Variants in PM20D2 observed in about 807,000 individuals in gnomAD.
PM20D2 encodes the protein xaa-Arg dipeptidase.
PM20D2 carries 33 observed loss-of-function variants against 42.9 expected under a neutral mutation model. The ratio of observed to expected loss-of-function variants is 0.77; its 90% CI spans 0.58 to 1.03. The LOEUF (loss-of-function observed/expected upper bound fraction) is 1.03, where lower values mean the gene tolerates loss of function less well. Ranked by LOEUF, PM20D2 falls within the 50% of genes least tolerant of loss-of-function variation. PM20D2 has a pLI of 0.00. For missense variants in PM20D2, 548 were observed against 557.0 expected, an observed-to-expected ratio of 0.98 and a Z score of 0.16; for synonymous variants, 250 against 228.2, an observed-to-expected ratio of 1.10 and a Z score of -0.86.
At chr6:89,158,716 T>G (rs1370944639) in intron 5 of PM20D2, among the ~76,000 whole-genome samples, 4 of 152,176 alleles carry the variant, frequency 2.6e-5, no homozygotes, top group Non-Finnish European at 5.9e-5. Flanking sequence ...AGTGTTTAAG[T>G]TTCGTTAGTT....
intron 2 of PM20D2, 47 bp downstream of exon 2, chr6:89,149,460 T>A: frequency 1.3e-6 from 2 of 1,586,266 alleles, no homozygotes; most frequent in Non-Finnish European, 1.7e-6. Flanking sequence ...ACACAGGCTA[T>A]AGAATACTTT....
At chr6:89,161,947 T>C in intron 6 of PM20D2, 57 bp downstream of exon 6, 1 of 1,513,314 alleles carries the variant, frequency 6.6e-7, no homozygotes, top group Non-Finnish European at 9.2e-7. Context: ...TGGTAGTAGC[T>C]GCCTTTCTGT....
At chr6:89,131,942 A>G in the PM20D2 span, among the ~76,000 whole-genome samples, 1 of 152,294 alleles carries the variant, frequency 6.6e-6, no homozygotes, top group South Asian at 2.1e-4. Context: ...TGCTTTCACA[A>G]ACGCTGGTTG....
the PM20D2 span, among the ~76,000 whole-genome samples, chr6:89,123,374 A>C: frequency 6.6e-6 from 1 of 152,142 alleles, no homozygotes; most frequent in East Asian, 1.9e-4. Context: ...AAATTAGCTC[A>C]CTTTTATTTA....
rs1770556529 is a variant in PM20D2 at position 89,146,446 on chromosome 6, C to T, written c.302C>T (p.Ala101Val). Reference protein sequence around the residue: ...WEPPEARAPSATPRPLHLGFL... With the variant: ...WEPPEARAPSVTPRPLHLGFL... ...CCGCCGGAGGCCCGGGCACCGAGCG[C>T]CACGCCACGCCCGCTGCACCTGGGC... The change falls in exon 1 of 7, where the codon GCC becomes GTC. Residue 101 changes from alanine (A) to valine (V), a missense_variant. Transcript: ENST00000275072. The T allele has an allele frequency of 6.6e-6, 10 of 1,522,806 alleles. No individual in the cohort carries two copies. Among genetic ancestry groups the T allele is most frequent in the Middle Eastern group, 2.2e-4 (1 of 4,644 alleles). 94.3% of individuals were successfully genotyped at this position (1,522,806 alleles called of 1,614,324 possible). A position where few individuals can be genotyped will look rare whatever the true frequency, so the allele number is the denominator to read the frequency against.
At chr6:89,108,299 C>T in the PM20D2 span, among the ~76,000 whole-genome samples, 2 of 152,228 alleles carry the variant, frequency 1.3e-5, no homozygotes, top group Non-Finnish European at 2.9e-5. Flanking sequence ...GTTCACCTTA[C>T]AACCACTTAA....
chr6:89,105,084 G>T, the PM20D2 span: 1 of 1,547,578 alleles, frequency 6.5e-7, no homozygotes, highest in Non-Finnish European at 8.7e-7. Flanking sequence ...CCCAGAAAAA[G>T]TAGAAAATGA....
rs1450787425 is a variant in PM20D2, at chr6:89,163,931, T to C, written c.*1668T>C. 1 of 152,202 alleles carries C rather than the reference T, an allele frequency of 6.6e-6. No individual in the cohort carries two copies. Among genetic ancestry groups the C allele is most frequent in the Non-Finnish European group, 1.5e-5 (1 of 68,026 alleles). 9.4% of individuals were successfully genotyped at this position (152,202 alleles called of 1,614,324 possible). ...AATATACAAATTGAAAATATTTTCT[T>C]TTTAGTGGCAATTTTAAAAGCAGGC... On this transcript the variant is annotated 3_prime_UTR_variant, in exon 7 of 7. Coordinates refer to ENST00000275072, the MANE Select transcript of PM20D2 (RefSeq NM_001010853.3).
At chr6:89,098,654 T>G in the PM20D2 span, 6 of 1,613,914 alleles carry the variant, frequency 3.7e-6, no homozygotes, top group Non-Finnish European at 5.1e-6. Context: ...TGTTTGTACT[T>G]TAGTTTCAGA....
At chr6:89,100,103 CA>C in the PM20D2 span, among the ~76,000 whole-genome samples, 1 of 152,028 alleles carries the variant, frequency 6.6e-6, no homozygotes, top group Non-Finnish European at 1.5e-5. Context: ...AATTAGAGAC[CA>C]AAAAGTACCT....
chr6:89,139,034 AAACTT>A, the PM20D2 span, among the ~76,000 whole-genome samples: 2 of 152,164 alleles, frequency 1.3e-5, no homozygotes, highest in African/African-American at 4.8e-5. Context: ...TTGACATAGA[AAACTT>A]AATATTAGAG....
the PM20D2 span, among the ~76,000 whole-genome samples, chr6:89,119,171 G>A: frequency 1.3e-5 from 2 of 152,218 alleles, no homozygotes; most frequent in African/African-American, 4.8e-5. Context: ...GATTGCTCTG[G>A]CACTGCAGGC....
chr6:89,152,361 C>T (rs745924694), intron 2 of PM20D2, among the ~76,000 whole-genome samples: 1 of 151,938 alleles, frequency 6.6e-6, no homozygotes, highest in Non-Finnish European at 1.5e-5. Flanking sequence ...CAAAGCACGT[C>T]AATCACAGAG....
chr6:89,155,361 G>A (rs891562311), intron 4 of PM20D2, among the ~76,000 whole-genome samples: 1 of 125,780 alleles, frequency 8.0e-6, no homozygotes, highest in African/African-American at 3.0e-5. Flanking sequence ...TACAACCTCC[G>A]CCTTCCAGGC....
At chr6:89,145,244 C>A (rs1770484899), upstream of PM20D2, among the ~76,000 whole-genome samples, 1 of 152,156 alleles carries the variant, frequency 6.6e-6, no homozygotes, top group South Asian at 2.1e-4. Flanking sequence ...TCTTGAATTT[C>A]TTCACTGGGT....
chr6:89,122,322 T>G, the PM20D2 span, among the ~76,000 whole-genome samples: 40 of 152,212 alleles, frequency 2.6e-4, no homozygotes, highest in African/African-American at 9.7e-4. Context: ...GAGAAGAGTT[T>G]GGGTTATTAG....
the PM20D2 span, chr6:89,098,520 C>T: frequency 2.6e-6 from 4 of 1,511,946 alleles, no homozygotes; most frequent in African/African-American, 4.2e-5. Context: ...TTTTATTTAA[C>T]ATAATGAGAG....
upstream of PM20D2, among the ~76,000 whole-genome samples, chr6:89,143,638 T>G (rs906688398): frequency 2.0e-5 from 3 of 152,216 alleles, no homozygotes; most frequent in African/African-American, 7.2e-5. Flanking sequence ...TTTTTTTTGT[T>G]TCTAATAAAA....
upstream of PM20D2, among the ~76,000 whole-genome samples, chr6:89,143,038 C>A (rs568022838): frequency 2.9e-4 from 44 of 152,184 alleles, no homozygotes; most frequent in Non-Finnish European, 4.0e-4. Flanking sequence ...TTTACTTTTT[C>A]TCTACCTTTA....
Sources: gnomAD v4.1 joint callset for allele counts (sites outside exome capture counted in the v4.1 genomes callset) on GRCh38, gnomAD v4.1.1 for gene constraint, MANE v1.5 for transcripts, NCBI Gene and HGNC (gene_info 2026-07-23, HGNC 2026-07-21) for gene names.